PLA2G4D: variants seen among roughly 807,000 people sequenced by gnomAD.
The protein encoded by PLA2G4D is phospholipase A2 group IVD.
In PLA2G4D, 80 loss-of-function variants were observed where a neutral mutation model predicts 94.4. That is an observed-to-expected ratio of 0.85 (90% confidence interval 0.71 to 1.02). PLA2G4D has a LOEUF of 1.02. PLA2G4D is among the 50% of genes least tolerant of loss of function. The pLI is 0.00. For missense variants in PLA2G4D, 1,050 were observed against 1,034.7 expected, an observed-to-expected ratio of 1.01 and a Z score of -0.20; for synonymous variants, 438 against 440.9, an observed-to-expected ratio of 0.99 and a Z score of 0.08.
Position 42,087,639 on chromosome 15 carries a change from C to A in PLA2G4D, c.107G>T (p.Trp36Leu). Reference protein sequence around the residue: ...VRVLEARNLRWADLLSEADPY... With the variant: ...VRVLEARNLRLADLLSEADPY... The stretch of plus-strand genomic sequence containing the variant: ...GGGCGGTTACTCACACAGGTCAGCC[C>A]AGCGCAGGTTCCGCGCCTCCAGGAC... Residue 36 changes from tryptophan to leucine, a missense_variant, in exon 2 of 20, where the codon TGG becomes TTG. By Grantham distance (61) the Trp-to-Leu change is moderately conservative (BLOSUM62 -2). Transcript: ENST00000290472. The A allele has an allele frequency of 6.2e-7, 1 of 1,614,150 alleles. No individual in the cohort carries two copies. The highest frequency in any genetic ancestry group is 8.5e-7 in the Non-Finnish European group (1 of 1,180,024).
At chr15:42,074,265 AC>A (rs1276378863) in intron 13 of PLA2G4D, among the ~76,000 whole-genome samples, 7 of 151,992 alleles carry the variant, frequency 4.6e-5, no homozygotes, top group Non-Finnish European at 8.8e-5. Context: ...TCAGTCTCTA[AC>A]CCCCCAGTTT....
chr15:42,082,277 A>C lies in PLA2G4D; in HGVS notation c.783+2T>G. Reference sequence around the variant, plus strand: ...ATTTCCCATCCAGTTGAGGCCACTTACATTTGGAGCAGGAACATCCATAGT... The same window carrying C: ...ATTTCCCATCCAGTTGAGGCCACTTCCATTTGGAGCAGGAACATCCATAGT... On this transcript the variant is annotated splice_donor_variant, in intron 9 of 19. Coordinates refer to ENST00000290472, the MANE Select transcript of PLA2G4D (RefSeq NM_178034.4). LOFTEE classifies it high-confidence loss of function. The C allele has an allele frequency of 1.2e-6, 2 of 1,611,864 alleles. No individual in the cohort carries two copies. The highest frequency in any genetic ancestry group is 2.2e-5 in the South Asian group (2 of 90,992).
chr15:42,085,618 T>C, intron 4 of PLA2G4D, 87 bp from the exon 5 acceptor site: 1 of 1,345,060 alleles, frequency 7.4e-7, no homozygotes, highest in Non-Finnish European at 1.1e-6. Context: ...CATCTCATCC[T>C]CTCAAGCGGT....
intron 10 of PLA2G4D, 33 bp downstream of exon 10, chr15:42,081,764 C>T (rs768338845): frequency 1.9e-6 from 3 of 1,614,114 alleles, no homozygotes; most frequent in Non-Finnish European, 1.7e-6. Flanking sequence ...ATGCCCGCCT[C>T]TCACTGTCCC....
At chr15:42,087,157 G>A in intron 3 of PLA2G4D, 143 bp downstream of exon 3, 5 of 1,090,348 alleles carry the variant, frequency 4.6e-6, no homozygotes, top group Non-Finnish European at 6.7e-6. Flanking sequence ...CTTGCACACA[G>A]CACAGACAGG....
intron 13 of PLA2G4D, 21 bp from the exon 14 acceptor site, chr15:42,072,413 G>A: frequency 6.3e-7 from 1 of 1,597,920 alleles, no homozygotes; most frequent in African/African-American, 1.3e-5. Flanking sequence ...AGGGCATCAG[G>A]GCCTAAGTGA....
At chr15:42,076,493 C>G (rs955965432) in intron 13 of PLA2G4D, among the ~76,000 whole-genome samples, 1 of 151,988 alleles carries the variant, frequency 6.6e-6, no homozygotes, top group Non-Finnish European at 1.5e-5. Flanking sequence ...TAAGGATTCA[C>G]ATCGAGAATA....
At chr15:42,092,983 G>A (rs1401739325) in intron 1 of PLA2G4D, among the ~76,000 whole-genome samples, 2 of 152,170 alleles carry the variant, frequency 1.3e-5, no homozygotes, top group African/African-American at 4.8e-5. Flanking sequence ...GAAGAGGAGT[G>A]GAACCCCTGG....
chr15:42,071,383 C>A, intron 16 of PLA2G4D, 61 bp downstream of exon 16: 2 of 1,571,252 alleles, frequency 1.3e-6, no homozygotes, highest in East Asian at 2.3e-5. Flanking sequence ...ACACCGCACA[C>A]CGCAAGCATT....
intron 1 of PLA2G4D, among the ~76,000 whole-genome samples, chr15:42,088,170 G>A (rs1376799478): frequency 6.6e-6 from 1 of 152,218 alleles, no homozygotes; most frequent in East Asian, 1.9e-4. Context: ...TTAAGGGAGG[G>A]TGAGCCTCAG....
intron 13 of PLA2G4D, among the ~76,000 whole-genome samples, chr15:42,076,418 A>C (rs1889928206): frequency 6.6e-6 from 1 of 152,208 alleles, no homozygotes; most frequent in Non-Finnish European, 1.5e-5. Flanking sequence ...CCCAAAACAC[A>C]AACCATAAAG....
At chr15:42,083,176 G>C in intron 8 of PLA2G4D, 22 bp downstream of exon 8, 1 of 1,605,112 alleles carries the variant, frequency 6.2e-7, no homozygotes, top group South Asian at 1.1e-5. Flanking sequence ...GATTGCAAAC[G>C]AGGTCTAGAG....
At chr15:42,070,627 G>A (rs748370665) in intron 18 of PLA2G4D, 90 bp downstream of exon 18, 37 of 1,396,444 alleles carry the variant, frequency 2.6e-5, no homozygotes, top group South Asian at 7.0e-5. Flanking sequence ...GGACCCCGGC[G>A]GTGTGGGGCA....
At chr15:42,083,862 C>T (rs939491637) in intron 6 of PLA2G4D, 83 bp from the exon 7 acceptor site, 1 of 1,340,438 alleles carries the variant, frequency 7.5e-7, no homozygotes, top group African/African-American at 1.4e-5. Flanking sequence ...GACCCACTGT[C>T]CCAAATCCAC....
intron 19 of PLA2G4D, among the ~76,000 whole-genome samples, chr15:42,069,670 C>T (rs900788558): frequency 1.3e-5 from 2 of 151,980 alleles, no homozygotes; most frequent in Non-Finnish European, 2.9e-5. Context: ...CTGCAGGAGC[C>T]CGGCATCATG....
At chr15:42,083,608 G>T in intron 7 of PLA2G4D, 108 bp downstream of exon 7, 1 of 1,369,536 alleles carries the variant, frequency 7.3e-7, no homozygotes, top group Non-Finnish European at 1.0e-6. Context: ...AGAAGAGAGA[G>T]GCAAGCTCTA....
Position 42,081,129 on chromosome 15 carries a change from G to A in PLA2G4D, c.962C>T (p.Pro321Leu), listed in dbSNP as rs781331722. 4 of 1,613,710 alleles carry A rather than the reference G, an allele frequency of 2.5e-6. No individual in the cohort carries two copies. The South Asian group carries it at 3.3e-5, about 13-fold the overall frequency. ...LDRDLQEDEVPVVGIMATGGG... is the reference protein window; with the variant it reads ...LDRDLQEDEVLVVGIMATGGG... ...TCCTGTGGCCATGATGCCCACAACGGGTACCTGGACCACACACAGACAGGC... is the reference window on the plus strand; with the variant it reads ...TCCTGTGGCCATGATGCCCACAACGAGTACCTGGACCACACACAGACAGGC... Residue 321 changes from proline to leucine, a missense_variant, in exon 12 of 20, where the codon CCC becomes CTC. Physicochemically the swap from Pro to Leu is moderately conservative, Grantham distance 98. Transcript: ENST00000290472.
chr15:42,076,886 A>G (rs1889938729), intron 13 of PLA2G4D, among the ~76,000 whole-genome samples: 1 of 152,242 alleles, frequency 6.6e-6, no homozygotes, highest in Admixed American at 6.5e-5. Context: ...TCTTTAATGC[A>G]GGTGTGCAAG....
rs371878017 is a variant in PLA2G4D at position 42,070,836 on chromosome 15, G to A, written c.1924C>T (p.Arg642Trp). The A allele has an allele frequency of 2.7e-5, 43 of 1,611,820 alleles. No homozygotes were observed. The highest frequency in any genetic ancestry group is 3.1e-5 in the Non-Finnish European group (37 of 1,179,148). Residue 642 changes from arginine (R) to tryptophan (W), a missense_variant, in exon 18 of 20, where the codon CGG (arginine) becomes TGG (tryptophan). Transcript: ENST00000290472. ...TAGGCGGCGTCCACCAGGCAGAGCC[G>A]GGGCTCCTTGGGGGTCAGCTGGCTG... is the stretch of plus-strand genomic sequence containing the variant. The part of the protein sequence containing the change: ...MPSQLTPKEP[R>W]LCLVDAAYFI...
Sources: gnomAD v4.1 joint callset for allele counts (sites outside exome capture counted in the v4.1 genomes callset) on GRCh38, gnomAD v4.1.1 for gene constraint, MANE v1.5 for transcripts, NCBI Gene and HGNC (gene_info 2026-07-23, HGNC 2026-07-21) for gene names.